The following FBXL5 variants were observed in gnomAD, a reference collection of about 807,000 sequenced individuals.
FBXL5 encodes the protein F-box/LRR-repeat protein 5.
Under a neutral mutation model 78.3 loss-of-function variants are expected in FBXL5, and 26 were observed. The observed-to-expected ratio is 0.33, with a 90% CI of 0.24 to 0.46. The LOEUF is 0.46. Among genes scored for constraint, FBXL5 ranks in the 20% least tolerant of loss-of-function variants. The pLI is 1.00. For synonymous variants in FBXL5, 295 were observed against 282.5 expected, an observed-to-expected ratio of 1.04 and a Z score of -0.45; for missense variants, 710 against 829.2, an observed-to-expected ratio of 0.86 and a Z score of 1.77.
upstream of FBXL5, among the ~76,000 whole-genome samples, chr4:15,664,258 G>A (rs143353727): frequency 5.7e-4 from 87 of 152,168 alleles, 1 homozygote; most frequent in East Asian, 0.015. Context: ...TACAGACCTA[G>A]TATGGGCCCT....
At chr4:15,678,564 C>T (rs1435348956) in intron 1 of FBXL5, among the ~76,000 whole-genome samples, 1 of 152,068 alleles carries the variant, frequency 6.6e-6, no homozygotes, top group Admixed American at 6.6e-5. Context: ...TCAAAATAGT[C>T]CTTGTCTGAA....
intron 1 of FBXL5, among the ~76,000 whole-genome samples, chr4:15,677,027 T>C (rs1202744566): frequency 1.3e-5 from 2 of 152,196 alleles, no homozygotes; most frequent in Non-Finnish European, 2.9e-5. Context: ...ACTCCGTTTA[T>C]ATTAAGGTCA....
At chr4:15,624,657 A>C (rs73239201) in intron 9 of FBXL5, among the ~76,000 whole-genome samples, 10,536 of 152,192 alleles carry the variant, frequency 0.069, 467 homozygotes, top group Middle Eastern at 0.099. Context: ...TTAAAAAAAA[A>C]AACAGAAAAG....
intron 3 of FBXL5, among the ~76,000 whole-genome samples, chr4:15,639,969 A>G (rs73127647): frequency 0.28 from 42,865 of 152,082 alleles, 6,268 homozygotes; most frequent in East Asian, 0.47. Flanking sequence ...GACAGAAGAA[A>G]AAGGGAAAAC....
intron 9 of FBXL5, among the ~76,000 whole-genome samples, chr4:15,615,691 G>A (rs1372788857): frequency 6.6e-6 from 1 of 150,558 alleles, no homozygotes; most frequent in Non-Finnish European, 1.5e-5. Flanking sequence ...CCTGTGTGAC[G>A]AAACTCTGTA....
intron 1 of FBXL5, among the ~76,000 whole-genome samples, chr4:15,667,278 T>C (rs1717588912): frequency 6.6e-6 from 1 of 152,186 alleles, no homozygotes; most frequent in Non-Finnish European, 1.5e-5. Flanking sequence ...TACAAGTACC[T>C]AGTCCAATGC....
chr4:15,659,693 T>G, upstream of FBXL5: 4 of 982,016 alleles, frequency 4.1e-6, no homozygotes, highest in Non-Finnish European at 4.8e-6. Context: ...GAGAAGAGCC[T>G]TCCATTTCCC....
At chr4:15,608,536 G>C (rs1398432833) in intron 10 of FBXL5, among the ~76,000 whole-genome samples, 1 of 151,092 alleles carries the variant, frequency 6.6e-6, no homozygotes, top group Non-Finnish European at 1.5e-5. Context: ...ACAAAACAAA[G>C]TTCCTGCCTA....
At chr4:15,633,246 G>C (rs2148605822) in intron 5 of FBXL5, among the ~76,000 whole-genome samples, 1 of 152,250 alleles carries the variant, frequency 6.6e-6, no homozygotes. Flanking sequence ...CTATGTACCT[G>C]CTATGTATCT....
chr4:15,623,098 ACT>A (rs528710203), intron 9 of FBXL5, among the ~76,000 whole-genome samples: 1 of 152,136 alleles, frequency 6.6e-6, no homozygotes, highest in Non-Finnish European at 1.5e-5. Flanking sequence ...TAAGAAATTA[ACT>A]CTCTGCCTTT....
At chr4:15,639,437 T>C (rs1714613378) in intron 3 of FBXL5, among the ~76,000 whole-genome samples, 7 of 152,210 alleles carry the variant, frequency 4.6e-5, no homozygotes, top group Admixed American at 4.6e-4. Flanking sequence ...CATTTAACTT[T>C]TCAATATTGT....
Position 15,612,405 on chromosome 4 carries a change from A to G in FBXL5, c.1860T>C (p.Thr620=). 1 of 1,608,728 alleles carries G rather than the reference A, an allele frequency of 6.2e-7. No individual in the cohort carries two copies. The highest frequency in any genetic ancestry group is 1.1e-5 in the South Asian group (1 of 89,638). ...CCAAATAAGGCAGCCCTCCTCCCAGAGTCAAAACCCTGTAAGAAAAATAAT... is the reference window on the plus strand; with the variant it reads ...CCAAATAAGGCAGCCCTCCTCCCAGGGTCAAAACCCTGTAAGAAAAATAAT... ...QITDHGLRVL[T]LGGGLPYLEH... is the part of the protein sequence containing the mutation. Residue 620 remains threonine (T), a synonymous_variant, in exon 10 of 11, where the codon ACT becomes ACC. Transcript: ENST00000341285.
At chr4:15,681,444 A>T (rs1278300191) in exon 1 of FBXL5, 2 of 170,454 alleles carry the variant, frequency 1.2e-5, no homozygotes, top group Admixed American at 6.5e-5. Flanking sequence ...AATCCGCAGC[A>T]GTCTCTTTTC....
intron 10 of FBXL5, among the ~76,000 whole-genome samples, chr4:15,610,795 A>G (rs993312318): frequency 6.6e-6 from 1 of 152,098 alleles, no homozygotes; most frequent in Non-Finnish European, 1.5e-5. Context: ...CTATGCTGAA[A>G]TCAATATGAA....
At position 15,638,504 on chromosome 4, in the gene FBXL5, T is replaced by C. The variant is rs1714512570; in HGVS notation, c.583+4A>G. 6.4e-6 allele frequency: 10 copies of C among 1,572,198 alleles called. No homozygotes were observed. The East Asian group carries it at 2.2e-4, about 35-fold the overall frequency. ...AAATTGTTCTTTATATATATGAATC[T>C]CACCTTTATCTGACTTTTCATCCAC... On this transcript the variant is annotated splice_donor_region_variant and intron_variant, in intron 4 of 10. Transcript: ENST00000341285.
At chr4:15,621,795 A>T (rs10017222) in intron 9 of FBXL5, among the ~76,000 whole-genome samples, 53,208 of 151,990 alleles carry the variant, frequency 0.35, 9,713 homozygotes, top group Non-Finnish European at 0.37. Flanking sequence ...ATGGTTTCAA[A>T]CTAACTAAAA....
intron 6 of FBXL5, among the ~76,000 whole-genome samples, chr4:15,630,050 A>C (rs1713457999): frequency 1.3e-5 from 2 of 152,128 alleles, no homozygotes; most frequent in African/African-American, 4.8e-5. Flanking sequence ...TTTTTCCATC[A>C]TATACTTTAA....
At chr4:15,641,164 C>T (rs1714833655) in intron 2 of FBXL5, among the ~76,000 whole-genome samples, 1 of 151,980 alleles carries the variant, frequency 6.6e-6, no homozygotes, top group African/African-American at 2.4e-5. Context: ...AAATTATATA[C>T]ATTTATATAA....
intron 1 of FBXL5, among the ~76,000 whole-genome samples, chr4:15,648,770 A>G (rs1715628373): frequency 6.6e-6 from 1 of 152,194 alleles, no homozygotes; most frequent in Admixed American, 6.6e-5. Flanking sequence ...TAAGATGAGT[A>G]CGTTCTGGGG....
Sources: gnomAD v4.1 joint callset for allele counts (sites outside exome capture counted in the v4.1 genomes callset) on GRCh38, gnomAD v4.1.1 for gene constraint, MANE v1.5 for transcripts, NCBI Gene and HGNC (gene_info 2026-07-23, HGNC 2026-07-21) for gene names.